Variants in FOCAD observed in about 807,000 individuals in gnomAD.
The protein encoded by FOCAD is focadhesin.
A neutral mutation model predicts 225.6 loss-of-function variants in FOCAD; 198 were observed. The ratio of observed to expected loss-of-function variants is 0.88; its 90% confidence interval spans 0.78 to 0.99. FOCAD has a LOEUF of 0.99. Ranked by LOEUF, FOCAD falls within the 50% of genes least tolerant of loss-of-function variation. The pLI, the probability that FOCAD is intolerant of heterozygous loss-of-function variation, is 0.00. For missense variants in FOCAD, 2,713 were observed against 2,123.6 expected (o/e 1.28, Z -5.46); for synonymous variants, 897 against 755.0 (o/e 1.19, Z -3.08).
chr9:20,744,417 G>A (rs1196512058), intron 5 of FOCAD, among the ~76,000 whole-genome samples: 1 of 152,140 alleles, frequency 6.6e-6, no homozygotes, highest in Non-Finnish European at 1.5e-5. Context: ...CTTTTCTTTA[G>A]CTTTGTGGCT....
chr9:20,975,122 A>G (rs4977863), intron 35 of FOCAD, among the ~76,000 whole-genome samples: 111,103 of 151,856 alleles, frequency 0.73, 40,853 homozygotes, highest in East Asian at 0.94. Context: ...TTTCCTTTCT[A>G]CTGCCGATGT....
At chr9:20,902,168 A>G (rs1832613946) in intron 21 of FOCAD, among the ~76,000 whole-genome samples, 1 of 151,944 alleles carries the variant, frequency 6.6e-6, no homozygotes, top group Admixed American at 6.6e-5. Context: ...CAGCATGAAT[A>G]GAACATGACC....
At chr9:20,798,426 T>G (rs7043838) in intron 11 of FOCAD, among the ~76,000 whole-genome samples, 1 of 151,720 alleles carries the variant, frequency 6.6e-6, no homozygotes, top group African/African-American at 2.4e-5. Context: ...GGAATGGTAC[T>G]AGCTCCTCCT....
intron 43 of FOCAD, among the ~76,000 whole-genome samples, chr9:20,993,719 T>A (rs1174295954): frequency 1.3e-5 from 2 of 152,180 alleles, no homozygotes; most frequent in African/African-American, 4.8e-5. Context: ...GGATTTTGGA[T>A]TTTTAGATTA....
chr9:20,788,528 T>C (rs1181950795), intron 10 of FOCAD, among the ~76,000 whole-genome samples: 3 of 152,216 alleles, frequency 2.0e-5, no homozygotes, highest in Non-Finnish European at 4.4e-5. Flanking sequence ...TTCCATCCTT[T>C]CAATTGTTAT....
intron 35 of FOCAD, among the ~76,000 whole-genome samples, chr9:20,957,009 A>T (rs1838205650): frequency 6.6e-6 from 1 of 152,060 alleles, no homozygotes; most frequent in Admixed American, 6.5e-5. Flanking sequence ...TTTTGAACTT[A>T]ATATTATATT....
chr9:20,729,866 C>G (rs1826526994), intron 4 of FOCAD, among the ~76,000 whole-genome samples: 1 of 152,114 alleles, frequency 6.6e-6, no homozygotes. Flanking sequence ...AATGGAGAAT[C>G]AGTGTCAAAT....
chr9:20,862,881 A>T (rs1315572310), intron 16 of FOCAD, 169 bp downstream of exon 16: 1 of 510,994 alleles, frequency 2.0e-6, no homozygotes, highest in Non-Finnish European at 3.2e-6. Flanking sequence ...CATCAATCTT[A>T]TGTCTAAAAT....
intron 10 of FOCAD, chr9:20,786,984 T>C: frequency 2.1e-6 from 1 of 482,290 alleles, no homozygotes. Flanking sequence ...TAGCTGGTGC[T>C]GAGAGAAAAC....
At chr9:20,700,867 TA>T (rs1292431790) in intron 1 of FOCAD, among the ~76,000 whole-genome samples, 4 of 152,240 alleles carry the variant, frequency 2.6e-5, no homozygotes, top group African/African-American at 9.6e-5. Flanking sequence ...ATTAACTGCT[TA>T]TTCCATGCCA....
chr9:20,778,089 C>CAAAAAAAAA (rs1184354592), intron 8 of FOCAD, among the ~76,000 whole-genome samples: 95 of 84,176 alleles, frequency 1.1e-3, no homozygotes, highest in South Asian at 1.8e-3. Context: ...GACTCCGTCT[C>CAAAAAAAAA]AAAAAAAAAA....
chr9:20,918,462 G>A (rs985781364), intron 24 of FOCAD, among the ~76,000 whole-genome samples: 5 of 152,182 alleles, frequency 3.3e-5, no homozygotes, highest in African/African-American at 1.2e-4. Flanking sequence ...GGTGGCTCAC[G>A]CCTGTAATCC....
chr9:20,695,676 C>T (rs1823313204), intron 1 of FOCAD, among the ~76,000 whole-genome samples: 1 of 152,192 alleles, frequency 6.6e-6, no homozygotes. Flanking sequence ...ACTAACTTAC[C>T]TGTCTCCTCT....
At chr9:20,706,518 T>C (rs1824400349) in intron 1 of FOCAD, among the ~76,000 whole-genome samples, 1 of 152,148 alleles carries the variant, frequency 6.6e-6, no homozygotes, top group South Asian at 2.1e-4. Flanking sequence ...TGCAGTGATA[T>C]GGAATTGTGC....
intron 28 of FOCAD, among the ~76,000 whole-genome samples, chr9:20,936,174 G>A (rs919985573): frequency 6.6e-6 from 1 of 152,132 alleles, no homozygotes; most frequent in Non-Finnish European, 1.5e-5. Flanking sequence ...ATTGTTACTA[G>A]GAATTAACAG....
rs768624154 is a variant in FOCAD, at chr9:20,990,368, C to G, written c.5250C>G (p.Thr1750=). Reference sequence around the variant, plus strand: ...AGAAAGAGCCATGGAAGGAACAGACCCAGAAGGTGAGGCTGGCAGCCACCT... The same window carrying G: ...AGAAAGAGCCATGGAAGGAACAGACGCAGAAGGTGAGGCTGGCAGCCACCT... ...LLQKEPWKEQ[T]QKFIDWLFSI... Residue 1750 remains threonine, a synonymous_variant, in exon 42 of 44, where the codon ACC becomes ACG. Coordinates refer to ENST00000338382, the MANE Select transcript of FOCAD (RefSeq NM_001375567.1). 1.1e-5 allele frequency: 17 copies of G among 1,613,170 alleles called. No individual in the cohort carries two copies. The highest frequency in any genetic ancestry group is 1.4e-5 in the Non-Finnish European group (17 of 1,179,818).
intron 41 of FOCAD, among the ~76,000 whole-genome samples, chr9:20,989,789 C>T (rs1165286005): frequency 6.6e-6 from 1 of 152,198 alleles, no homozygotes; most frequent in Non-Finnish European, 1.5e-5. Context: ...AACATCAAAA[C>T]AGAGGAATGT....
intron 26 of FOCAD, 126 bp downstream of exon 26, chr9:20,926,543 G>C: frequency 1.6e-6 from 1 of 623,704 alleles, no homozygotes; most frequent in Non-Finnish European, 2.9e-6. Context: ...CAGCACTTTG[G>C]AAGTCTGAGG....
At chr9:20,920,011 C>G (rs1230358914) in intron 24 of FOCAD, among the ~76,000 whole-genome samples, 4 of 151,980 alleles carry the variant, frequency 2.6e-5, no homozygotes, top group African/African-American at 9.7e-5. Flanking sequence ...AAACTACCAT[C>G]AGAGTGAACA....
Sources: allele counts gnomAD v4.1 joint callset (sites outside exome capture counted in the v4.1 genomes callset), GRCh38; gene constraint gnomAD v4.1.1; transcripts MANE v1.5; gene names NCBI Gene and HGNC (gene_info 2026-07-23, HGNC 2026-07-21).